Variants in EPS15L1 observed in about 807,000 individuals in gnomAD.
The protein encoded by EPS15L1 is epidermal growth factor receptor substrate 15-like 1.
EPS15L1 carries 43 observed loss-of-function variants against 117.1 expected under a neutral mutation model. The observed-to-expected ratio is 0.37, with a 90% CI of 0.29 to 0.47. The LOEUF (loss-of-function observed/expected upper bound fraction) is 0.47, where lower values mean the gene tolerates loss of function less well. EPS15L1 is among the 20% of genes least tolerant of loss of function. The pLI, the probability that EPS15L1 is intolerant of heterozygous loss-of-function variation, is 0.99. For missense variants in EPS15L1, 981 were observed against 1,164.0 expected, an observed-to-expected ratio of 0.84 and a Z score of 2.29; for synonymous variants, 459 against 470.5, an observed-to-expected ratio of 0.98 and a Z score of 0.32.
At chr19:16,400,383 T>C (rs1195324338) in intron 16 of EPS15L1, among the ~76,000 whole-genome samples, 2 of 150,506 alleles carry the variant, frequency 1.3e-5, no homozygotes, top group Admixed American at 1.4e-4. Context: ...CCCTGACTTT[T>C]GAGATAAAGT....
intron 12 of EPS15L1, among the ~76,000 whole-genome samples, chr19:16,415,490 C>T (rs1177671239): frequency 6.6e-6 from 1 of 152,226 alleles, no homozygotes; most frequent in African/African-American, 2.4e-5. Context: ...GCCAGACACA[C>T]AGTAAGTGAT....
Position 16,471,622 on chromosome 19 carries a change from G to A in EPS15L1, c.33+291C>T, listed in dbSNP as rs2145227483. 6.6e-6 allele frequency among the ~76,000 whole-genome samples: 1 copy of A among 152,254 alleles called. No individual in the cohort carries two copies. The highest frequency in any genetic ancestry group is 1.9e-4 in the East Asian group (1 of 5,168). The stretch of plus-strand genomic sequence containing the variant: ...GGGATGCAGCCCAGCGCCTCCGCGG[G>A]TCCCCGGCCTGGGAGCTTCAGCGGC... On this transcript the variant is annotated intron_variant, in intron 1 of 23. Transcript: ENST00000455140. This position sits in a 1 kb window ranked among gnomAD's most constrained non-coding sequence, Gnocchi z 4.8.
intron 21 of EPS15L1, among the ~76,000 whole-genome samples, chr19:16,379,508 A>G (rs1001772114): frequency 1.3e-5 from 2 of 152,238 alleles, no homozygotes; most frequent in Admixed American, 1.3e-4. Flanking sequence ...CAGATTGCAG[A>G]TGTGGGGGAA....
intron 7 of EPS15L1, among the ~76,000 whole-genome samples, chr19:16,431,815 C>T (rs950205897): frequency 6.6e-6 from 1 of 152,186 alleles, no homozygotes; most frequent in Admixed American, 6.5e-5. Flanking sequence ...CCCCACACTA[C>T]AACTATTATG....
At chr19:16,437,042 T>TA (rs1198250057) in intron 5 of EPS15L1, 43 bp from the exon 6 acceptor site, 1 of 1,566,228 alleles carries the variant, frequency 6.4e-7, no homozygotes, top group Non-Finnish European at 8.8e-7. Flanking sequence ...GGCACAGAAT[T>TA]AAATCATAGG....
chr19:16,417,798 C>G (rs1670445595), intron 11 of EPS15L1, 150 bp downstream of exon 11: 2 of 1,254,556 alleles, frequency 1.6e-6, no homozygotes, highest in African/African-American at 1.5e-5. Flanking sequence ...CCTGGGCAGC[C>G]AAGCCACCCT....
At chr19:16,433,816 A>G (rs1023682915) in intron 7 of EPS15L1, among the ~76,000 whole-genome samples, 14 of 152,036 alleles carry the variant, frequency 9.2e-5, no homozygotes, top group African/African-American at 3.4e-4. Flanking sequence ...TACAAAAATT[A>G]GCTGGGCGTG....
intron 21 of EPS15L1, among the ~76,000 whole-genome samples, chr19:16,379,623 A>C (rs953182686): frequency 1.3e-5 from 2 of 152,224 alleles, no homozygotes; most frequent in Non-Finnish European, 2.9e-5. Flanking sequence ...GCGTCTAGTC[A>C]CACTGACACG....
intron 22 of EPS15L1, among the ~76,000 whole-genome samples, chr19:16,367,986 T>A (rs6512105): frequency 0.9 from 130,826 of 145,054 alleles, 59,109 homozygotes; most frequent in Non-Finnish European, 0.95. Context: ...AGAGAGAGAG[T>A]GTGTGTGTGT....
At chr19:16,416,009 A>C (rs571101949) in intron 12 of EPS15L1, among the ~76,000 whole-genome samples, 104 of 152,300 alleles carry the variant, frequency 6.8e-4, no homozygotes, top group African/African-American at 2.4e-3. Context: ...TGCACTGAAC[A>C]TGAAGTGGGA....
At chr19:16,410,676 G>A (rs1011373036) in intron 13 of EPS15L1, among the ~76,000 whole-genome samples, 4 of 152,218 alleles carry the variant, frequency 2.6e-5, no homozygotes, top group African/African-American at 7.2e-5. Context: ...CTGGGAGGCC[G>A]AGGCAGGCAG....
At chr19:16,355,944 T>C (rs1599508950) in intron 23 of EPS15L1, 93 bp from the exon 24 acceptor site, 11 of 1,429,574 alleles carry the variant, frequency 7.7e-6, no homozygotes, top group Non-Finnish European at 1.0e-5. Context: ...GGGGTCAGGG[T>C]CCTGCCCACC....
intron 1 of EPS15L1, among the ~76,000 whole-genome samples, chr19:16,467,422 T>C (rs2145208289): frequency 6.6e-6 from 1 of 152,198 alleles, no homozygotes. Flanking sequence ...AGTGCTAGGA[T>C]TACAGGCGTC....
chr19:16,471,976 G>A, upstream of EPS15L1: 1 of 1,267,168 alleles, frequency 7.9e-7, no homozygotes, highest in Non-Finnish European at 9.9e-7. The surrounding 1 kb of genome is among the most constrained non-coding windows in gnomAD (Gnocchi z 4.8). Flanking sequence ...CGAGCGCCGG[G>A]GGAACGGGGG....
rs139731103 is a variant in EPS15L1, at chr19:16,360,095, C to G, written c.2586+1684G>C. ...TTTTTTTTTATGCTTTTCGAAAAAA[C>G]GAGCCCTTTGCGGGTTGGGGTCACA... On this transcript the variant is annotated intron_variant, in intron 23 of 23. Coordinates refer to ENST00000455140, the MANE Select transcript of EPS15L1 (RefSeq NM_001258374.3). Among the ~76,000 whole-genome samples the G allele has an allele frequency of 8.8e-5, 13 of 147,924 alleles. No homozygotes were observed. In the East Asian group the frequency reaches 2.4e-3, roughly 27 times the overall value.
At chr19:16,403,407 T>C (rs779362243) in intron 15 of EPS15L1, among the ~76,000 whole-genome samples, 45 of 152,174 alleles carry the variant, frequency 3.0e-4, no homozygotes, top group Non-Finnish European at 5.7e-4. Flanking sequence ...GTCCCTCTTG[T>C]TTGTGTGAGG....
intron 16 of EPS15L1, among the ~76,000 whole-genome samples, chr19:16,399,785 G>A (rs1359033427): frequency 6.6e-6 from 1 of 151,592 alleles, no homozygotes; most frequent in African/African-American, 2.4e-5. Flanking sequence ...GCCTCCCAAA[G>A]GACTGGGATT....
intron 12 of EPS15L1, among the ~76,000 whole-genome samples, chr19:16,414,076 C>T (rs144177040): frequency 2.0e-4 from 31 of 152,214 alleles, no homozygotes; most frequent in African/African-American, 4.8e-4. Flanking sequence ...AAAAGCAGCG[C>T]GCTTTCTCCA....
intron 19 of EPS15L1, among the ~76,000 whole-genome samples, chr19:16,389,228 G>A (rs2092452168): frequency 6.6e-6 from 1 of 151,608 alleles, no homozygotes; most frequent in Non-Finnish European, 1.5e-5. Context: ...GCTGAGGCAG[G>A]AGGATTGCTT....
Sources: allele counts gnomAD v4.1 joint callset (sites outside exome capture counted in the v4.1 genomes callset), GRCh38; gene constraint gnomAD v4.1.1; non-coding constraint Gnocchi (gnomAD v3.1); transcripts MANE v1.5; gene names NCBI Gene and HGNC (gene_info 2026-07-23, HGNC 2026-07-21).